Variants in COBL observed in about 807,000 individuals in gnomAD.
COBL encodes cordon-bleu WH2 repeat protein, also known as protein cordon-bleu.
In COBL, 51 loss-of-function variants were observed where a neutral mutation model predicts 98.8. The ratio of observed to expected loss-of-function variants is 0.52; its 90% CI spans 0.41 to 0.65. The LOEUF is 0.65. Among genes scored for constraint, COBL ranks in the 30% least tolerant of loss-of-function variants. The pLI is 0.00. For missense variants in COBL, 1,617 were observed against 1,617.5 expected (o/e 1.00, Z 0.01); for synonymous variants, 634 against 651.7 (o/e 0.97, Z 0.41).
At chr7:51,310,208 G>A (rs938157139) in intron 1 of COBL, among the ~76,000 whole-genome samples, 1 of 152,224 alleles carries the variant, frequency 6.6e-6, no homozygotes, top group Non-Finnish European at 1.5e-5. Flanking sequence ...CCTGTGTCTG[G>A]CAGCACTGGC....
intron 1 of COBL, among the ~76,000 whole-genome samples, chr7:51,300,516 CTT>C (rs1287840762): frequency 2.0e-5 from 3 of 152,106 alleles, no homozygotes; most frequent in Non-Finnish European, 4.4e-5. Context: ...GGTCTGGACC[CTT>C]CTTACCCAGA....
chr7:51,268,771 A>G (rs1268666394), intron 1 of COBL, among the ~76,000 whole-genome samples: 4 of 151,908 alleles, frequency 2.6e-5, no homozygotes, highest in African/African-American at 4.8e-5. Flanking sequence ...TTCTACTAAA[A>G]ATACAAAAAT....
intron 6 of COBL, among the ~76,000 whole-genome samples, chr7:51,089,942 A>G (rs944465996): frequency 1.5e-4 from 23 of 152,230 alleles, no homozygotes; most frequent in African/African-American, 7.2e-5. Context: ...ATAATTAACT[A>G]AATTAGCCCC....
At chr7:51,035,100 G>T (rs1788508273) in intron 8 of COBL, 1 of 152,218 alleles carries the variant, frequency 6.6e-6, no homozygotes, top group South Asian at 2.1e-4. Flanking sequence ...TCGGAGGGTG[G>T]CAGGCTGACC....
intron 1 of COBL, among the ~76,000 whole-genome samples, chr7:51,293,345 A>G (rs1368910215): frequency 6.6e-6 from 1 of 152,228 alleles, no homozygotes; most frequent in African/African-American, 2.4e-5. Context: ...CTAAAACCCC[A>G]AAACAACCTA....
intron 6 of COBL, among the ~76,000 whole-genome samples, chr7:51,126,554 T>C (rs1261247187): frequency 6.6e-6 from 1 of 152,096 alleles, no homozygotes; most frequent in Admixed American, 6.5e-5. Flanking sequence ...AGACTTGAAA[T>C]TGAAGGGCTT....
At chr7:51,226,570 G>C (rs117443778) in intron 1 of COBL, among the ~76,000 whole-genome samples, 7 of 104,760 alleles carry the variant, frequency 6.7e-5, no homozygotes, top group Non-Finnish European at 1.0e-4. Context: ...AAGTGAGTGA[G>C]TAAGTGAGTG....
chr7:51,253,389 T>A (rs2129139778), intron 1 of COBL, among the ~76,000 whole-genome samples: 1 of 152,302 alleles, frequency 6.6e-6, no homozygotes, highest in Non-Finnish European at 1.5e-5. Flanking sequence ...CCTGGGTTTG[T>A]TTTGATGTAC....
intron 1 of COBL, among the ~76,000 whole-genome samples, chr7:51,258,766 C>T (rs1797423324): frequency 6.6e-6 from 1 of 152,138 alleles, no homozygotes; most frequent in Non-Finnish European, 1.5e-5. Flanking sequence ...ATAAATGATT[C>T]ATATCTTTAA....
At position 51,028,674 on chromosome 7, in the gene COBL, G is replaced by A; in HGVS notation, c.2422C>T (p.Gln808Ter). The A allele has an allele frequency of 6.2e-7, 1 of 1,612,934 alleles. No individual in the cohort carries two copies. Among genetic ancestry groups the A allele is most frequent in the Non-Finnish European group, 8.5e-7 (1 of 1,179,374 alleles). Residue 808 changes from glutamine to a stop codon, truncating the protein, a stop_gained, in exon 10 of 13, where the codon CAA becomes TAA. Coordinates refer to ENST00000265136, the MANE Select transcript of COBL (RefSeq NM_015198.5). LOFTEE classifies it high-confidence loss of function. ...TQTQNPESRL[Q>*]ADPKPISPQQ... is the part of the protein sequence containing the mutation. ...GGCGATATTGGCTTGGGGTCTGCTT[G>A]GAGTCTGCTCTCTGGATTCTGCGTC...
Position 51,190,983 on chromosome 7 carries a change from A to C in COBL, c.552T>G (p.Ile184Met). The change falls in exon 4 of 13, where the codon ATT becomes ATG. Residue 184 changes from isoleucine to methionine, a missense_variant. Physicochemically the swap from Ile to Met is conservative, Grantham distance 10. Around this residue, in one of 3 missense-constraint regions of COBL, gnomAD observed 75 missense variants for 120.5 expected, o/e 0.62. Coordinates refer to ENST00000265136, the MANE Select transcript of COBL (RefSeq NM_015198.5). ...CTGGGCTGACCTCACACTTTGCACA[A>C]ATGACTGGGAGAATATTCTGGAGAG... ...EVPLQNILPVICAKCEVSPEH... is the reference protein window; with the variant it reads ...EVPLQNILPVMCAKCEVSPEH... 2 of 1,614,134 alleles carry C rather than the reference A, an allele frequency of 1.2e-6. No homozygotes were observed. Among genetic ancestry groups the C allele is most frequent in the Non-Finnish European group, 1.7e-6 (2 of 1,180,042 alleles).
chr7:51,146,518 C>T (rs1010748088), intron 5 of COBL, among the ~76,000 whole-genome samples: 1 of 152,118 alleles, frequency 6.6e-6, no homozygotes, highest in African/African-American at 2.4e-5. Flanking sequence ...TCTAGCATGA[C>T]CTGTGGGACT....
intron 6 of COBL, among the ~76,000 whole-genome samples, chr7:51,117,862 C>T (rs80282098): frequency 0.026 from 3,935 of 152,262 alleles, 151 homozygotes; most frequent in African/African-American, 0.085. Context: ...TTTGTCTTCA[C>T]GGGCAATAAT....
intron 1 of COBL, among the ~76,000 whole-genome samples, chr7:51,232,470 T>C (rs917531913): frequency 2.0e-5 from 3 of 151,752 alleles, no homozygotes; most frequent in African/African-American, 4.8e-5. Context: ...CACCAGTGCA[T>C]CCCTACATTG....
chr7:51,241,222 C>T (rs114836206), intron 1 of COBL, among the ~76,000 whole-genome samples: 1 of 152,332 alleles, frequency 6.6e-6, no homozygotes, highest in African/African-American at 2.4e-5. Context: ...TCAATGAAGT[C>T]TCAACGTGTC....
rs184195468 is a variant in COBL, at chr7:51,282,004, T to C, written c.41+34589A>G. Among the ~76,000 whole-genome samples the C allele has an allele frequency of 3.4e-3, 520 of 152,228 alleles. 2 individuals are homozygous for C. Among genetic ancestry groups the C allele is most frequent in the Non-Finnish European group, 6.1e-3 (415 of 67,964 alleles). ...TCTAAGGAGACTGTGAGAAGTTTGATTATTTTAATCCCTAGAAAACCCACG... is the reference window on the plus strand; with the variant it reads ...TCTAAGGAGACTGTGAGAAGTTTGACTATTTTAATCCCTAGAAAACCCACG... On this transcript the variant is annotated intron_variant, in intron 1 of 12. Coordinates refer to ENST00000265136, the MANE Select transcript of COBL (RefSeq NM_015198.5).
intron 5 of COBL, among the ~76,000 whole-genome samples, chr7:51,165,658 A>G (rs1202937152): frequency 6.6e-6 from 1 of 152,162 alleles, no homozygotes; most frequent in Non-Finnish European, 1.5e-5. Flanking sequence ...TGGCTGCAGA[A>G]TACACATTAT....
At chr7:51,286,066 C>T (rs1166883162) in intron 1 of COBL, among the ~76,000 whole-genome samples, 1 of 152,066 alleles carries the variant, frequency 6.6e-6, no homozygotes, top group Non-Finnish European at 1.5e-5. Context: ...AGCAGAAGAA[C>T]TTCGACCTAA....
At chr7:51,117,731 A>G (rs1189571129) in intron 6 of COBL, among the ~76,000 whole-genome samples, 1 of 152,180 alleles carries the variant, frequency 6.6e-6, no homozygotes, top group Non-Finnish European at 1.5e-5. Context: ...ATTTTCGAAT[A>G]GGTCGCATTT....
Sources: gnomAD v4.1 joint callset for allele counts (sites outside exome capture counted in the v4.1 genomes callset) on GRCh38, gnomAD v4.1.1 for gene constraint, gnomAD v4.1.1 regional missense constraint, MANE v1.5 for transcripts, NCBI Gene and HGNC (gene_info 2026-07-23, HGNC 2026-07-21) for gene names.